Variants in AGPAT4 observed in about 807,000 individuals in gnomAD.
The protein encoded by AGPAT4 is 1-acylglycerol-3-phosphate O-acyltransferase 4, also known as 1-acyl-sn-glycerol-3-phosphate acyltransferase delta.
A neutral mutation model predicts 48.0 loss-of-function variants in AGPAT4; 15 were observed. The observed-to-expected ratio is 0.31, with a 90% CI of 0.21 to 0.48. The LOEUF is 0.48. AGPAT4 is among the 20% of genes least tolerant of loss of function. AGPAT4 has a pLI of 0.99. For missense variants in AGPAT4, 314 were observed against 482.5 expected, an observed-to-expected ratio of 0.65 and a Z score of 3.27; for synonymous variants, 178 against 198.7, an observed-to-expected ratio of 0.90 and a Z score of 0.88.
chr6:161,228,080 C>G (rs1443832798), intron 2 of AGPAT4, among the ~76,000 whole-genome samples: 1 of 152,202 alleles, frequency 6.6e-6, no homozygotes, highest in Non-Finnish European at 1.5e-5. Context: ...CCCCCTGACT[C>G]TTCCTCCTCC....
chr6:161,273,475 G>A (rs1022210016), intron 1 of AGPAT4, among the ~76,000 whole-genome samples: 1 of 152,200 alleles, frequency 6.6e-6, no homozygotes, highest in Admixed American at 6.5e-5. Flanking sequence ...TGCATATTGT[G>A]TAGTATTTTT....
intron 2 of AGPAT4, among the ~76,000 whole-genome samples, chr6:161,188,435 C>G (rs937252034): frequency 6.6e-6 from 1 of 152,184 alleles, no homozygotes; most frequent in East Asian, 1.9e-4. Context: ...TCACTTGTTT[C>G]AAGTGAAACT....
intron 2 of AGPAT4, among the ~76,000 whole-genome samples, chr6:161,211,611 G>A (rs1781524570): frequency 6.6e-6 from 1 of 152,060 alleles, no homozygotes; most frequent in Non-Finnish European, 1.5e-5. Flanking sequence ...GTCTGTGTAA[G>A]TCATAAAAAG....
In AGPAT4 at chr6:161,202,138, T is replaced by C. The variant is rs1354399812; in HGVS notation, c.178+29898A>G. Among the ~76,000 whole-genome samples, 3 of 152,160 alleles carry C rather than the reference T, an allele frequency of 2.0e-5. No individual in the cohort carries two copies. Among genetic ancestry groups the C allele is most frequent in the African/African-American group, 4.8e-5 (2 of 41,440 alleles). On this transcript the variant is annotated intron_variant, in intron 2 of 8. Transcript: ENST00000320285. This position sits in a 1 kb window ranked among gnomAD's most constrained non-coding sequence, Gnocchi z 5.4. ...TTATCTATTGCTCATAACCAAAATA[T>C]GATGGCCCAAAATAACAAAAACACT...
At position 161,232,874 on chromosome 6, in the gene AGPAT4, G is replaced by A. The variant is rs568294925; in HGVS notation, c.-89-572C>T. Among the ~76,000 whole-genome samples the A allele has an allele frequency of 6.6e-6, 1 of 152,126 alleles. No homozygotes were observed. Among genetic ancestry groups the A allele is most frequent in the Non-Finnish European group, 1.5e-5 (1 of 68,028 alleles). On this transcript the variant is annotated intron_variant, in intron 1 of 8. Transcript: ENST00000320285. This position sits in a 1 kb window ranked among gnomAD's most constrained non-coding sequence, Gnocchi z 6.8. ...AGTGGGTGCCACCCCTCAAGCAACC[G>A]GGACTAGGGAAGCATTTACTTGAAA... is the stretch of plus-strand genomic sequence containing the variant.
chr6:161,187,596 T>C (rs1014132434), intron 2 of AGPAT4, among the ~76,000 whole-genome samples: 4 of 151,940 alleles, frequency 2.6e-5, no homozygotes, highest in Non-Finnish European at 5.9e-5. Flanking sequence ...CTGGATGGAG[T>C]GCAGTGGCAC....
rs952135604 is a variant in AGPAT4, at chr6:161,135,077, C to T, written c.*1463G>A. The T allele has an allele frequency of 8.0e-5, 11 of 137,590 alleles. No individual in the cohort carries two copies. The highest frequency in any genetic ancestry group is 3.2e-4 in the African/African-American group (11 of 34,766). 8.5% of individuals were successfully genotyped at this position (137,590 alleles called of 1,614,324 possible). On this transcript the variant is annotated 3_prime_UTR_variant, in exon 9 of 9. Transcript: ENST00000320285. ...AGCTGTCTTGTAACTCCTTGGCTTA[C>T]CTAGTTTGGTTGATAAACAATGACT...
chr6:161,181,140 G>A (rs1249495092), intron 2 of AGPAT4, among the ~76,000 whole-genome samples: 1 of 152,164 alleles, frequency 6.6e-6, no homozygotes, highest in Non-Finnish European at 1.5e-5. Context: ...ACAGAAAGGT[G>A]CCTCCCAGCT....
intron 2 of AGPAT4, among the ~76,000 whole-genome samples, chr6:161,172,747 A>G (rs1214782119): frequency 1.3e-5 from 2 of 152,032 alleles, no homozygotes; most frequent in South Asian, 2.1e-4. Flanking sequence ...GCACCCATCA[A>G]CTAGTCATTT....
intron 2 of AGPAT4, among the ~76,000 whole-genome samples, chr6:161,191,517 T>C (rs1423048673): frequency 2.0e-5 from 3 of 152,144 alleles, no homozygotes; most frequent in Non-Finnish European, 4.4e-5. Flanking sequence ...ACCAAGTATC[T>C]TAGATACAAG....
At position 161,215,355 on chromosome 6, in the gene AGPAT4, T is replaced by A. The variant is rs1448231534; in HGVS notation, c.178+16681A>T. ...GACATATTTGTGCTGAATCTCAAGG[T>A]TTTTGAGGCCATGGCTCATTCCTTC... is the stretch of plus-strand genomic sequence containing the variant. On this transcript the variant is annotated intron_variant, in intron 2 of 8. Coordinates refer to ENST00000320285, the MANE Select transcript of AGPAT4 (RefSeq NM_020133.3). The surrounding 1 kb of genome is among the most constrained non-coding windows in gnomAD (Gnocchi z 4.5). Among the ~76,000 whole-genome samples, 2 of 152,070 alleles carry A rather than the reference T, an allele frequency of 1.3e-5. No individual in the cohort carries two copies. The highest frequency in any genetic ancestry group is 4.8e-5 in the African/African-American group (2 of 41,400).
Position 161,225,990 on chromosome 6 carries a change from G to A in AGPAT4, c.178+6046C>T, listed in dbSNP as rs923779017. Among the ~76,000 whole-genome samples, 1 of 152,126 alleles carries A rather than the reference G, an allele frequency of 6.6e-6. No homozygotes were observed. Among genetic ancestry groups the A allele is most frequent in the African/African-American group, 2.4e-5 (1 of 41,430 alleles). On this transcript the variant is annotated intron_variant, in intron 2 of 8. Coordinates refer to ENST00000320285, the MANE Select transcript of AGPAT4 (RefSeq NM_020133.3). The surrounding 1 kb of genome is among the most constrained non-coding windows in gnomAD (Gnocchi z 5.0). The stretch of plus-strand genomic sequence containing the variant: ...CACTGTTGTTCAGCTACTCTGAAGG[G>A]AGAGATGATCAGTTTTAGGATCATG...
At position 161,161,317 on chromosome 6, in the gene AGPAT4, G is replaced by T. The variant is rs566625548; in HGVS notation, c.348+4931C>A. The T allele has an allele frequency of 7.0e-5, 32 of 456,712 alleles. No homozygotes were observed. The East Asian group carries it at 1.3e-3, about 19-fold the overall frequency. 28.3% of individuals were successfully genotyped at this position (456,712 alleles called of 1,614,324 possible). A position where few individuals can be genotyped will look rare whatever the true frequency, so the allele number is the denominator to read the frequency against. ...GAACCCGCGGTGCAGCCATAGTCCC[G>T]TGAGCTGCCCACTTCCTGCCCTGGC... On this transcript the variant is annotated intron_variant, in intron 3 of 8. Transcript: ENST00000320285. The surrounding 1 kb of genome is among the most constrained non-coding windows in gnomAD (Gnocchi z 4.6).
chr6:161,233,663 G>T lies in AGPAT4; in HGVS notation c.-89-1361C>A, dbSNP rs137984892. ...CACTTTGTTATAAAATAGGCCTTGT[G>T]TAAGATGATTTGGCCTAACTGTAGG... is the stretch of plus-strand genomic sequence containing the variant. On this transcript the variant is annotated intron_variant, in intron 1 of 8. Transcript: ENST00000320285. This position sits in a 1 kb window ranked among gnomAD's most constrained non-coding sequence, Gnocchi z 5.4. Among the ~76,000 whole-genome samples the T allele has an allele frequency of 2.1e-3, 316 of 152,328 alleles. 4 individuals carry two copies. The highest frequency in any genetic ancestry group is 0.019 in the Admixed American group (293 of 15,304).
Position 161,229,228 on chromosome 6 carries a change from T to C in AGPAT4, c.178+2808A>G, listed in dbSNP as rs1782061081. ...AGGGCTCCGTGTCTCAAGGAAACAT[T>C]TTTTTCTGCCGTTTCCTTAGAAAAT... On this transcript the variant is annotated intron_variant, in intron 2 of 8. Transcript: ENST00000320285. The surrounding 1 kb of genome is among the most constrained non-coding windows in gnomAD (Gnocchi z 6.0). Among the ~76,000 whole-genome samples, 1 of 152,018 alleles carries C rather than the reference T, an allele frequency of 6.6e-6. No homozygotes were observed. The highest frequency in any genetic ancestry group is 2.1e-4 in the South Asian group (1 of 4,796).
chr6:161,167,416 C>T (rs776350202), intron 2 of AGPAT4, among the ~76,000 whole-genome samples: 12 of 152,070 alleles, frequency 7.9e-5, no homozygotes, highest in Non-Finnish European at 1.2e-4. Context: ...TTTGTAAAGA[C>T]GCAGTTTTGC....
At position 161,146,515 on chromosome 6, in the gene AGPAT4, T is replaced by C; in HGVS notation, c.843+9A>G. 1 of 1,613,582 alleles carries C rather than the reference T, an allele frequency of 6.2e-7. No homozygotes were observed. Among genetic ancestry groups the C allele is most frequent in the East Asian group, 2.2e-5 (1 of 44,846 alleles). On this transcript the variant is annotated intron_variant, in intron 7 of 8. Coordinates refer to ENST00000320285, the MANE Select transcript of AGPAT4 (RefSeq NM_020133.3). The surrounding 1 kb of genome is among the most constrained non-coding windows in gnomAD (Gnocchi z 7.1). ...ACGTGAAGGGACCCCTGGCACCCAG[T>C]GCACTGACCTTCTCCTGGTAGAGCT... is the stretch of plus-strand genomic sequence containing the variant.
intron 2 of AGPAT4, among the ~76,000 whole-genome samples, chr6:161,176,351 T>C (rs980235506): frequency 6.6e-6 from 1 of 152,256 alleles, no homozygotes; most frequent in African/African-American, 2.4e-5. Context: ...TTAGGGTAGA[T>C]AGCTCTTCTT....
rs1404491739 is a variant in AGPAT4, at chr6:161,195,222, AAACC to A, written c.179-28809_179-28806del. ...TGAAGCAAATTTCTCATTTAACCGA[AAACC>A]AAGATGAAGGATAATTCAAGACAAG... On this transcript the variant is annotated intron_variant, in intron 2 of 8. Transcript: ENST00000320285. The surrounding 1 kb of genome is among the most constrained non-coding windows in gnomAD (Gnocchi z 5.0). Among the ~76,000 whole-genome samples the A allele has an allele frequency of 2.0e-4, 30 of 152,332 alleles. No individual in the cohort carries two copies. The highest frequency in any genetic ancestry group is 7.2e-4 in the African/African-American group (30 of 41,568).
Sources: gnomAD v4.1 joint callset for allele counts (sites outside exome capture counted in the v4.1 genomes callset) on GRCh38, gnomAD v4.1.1 for gene constraint, Gnocchi (gnomAD v3.1) non-coding constraint, MANE v1.5 for transcripts, NCBI Gene and HGNC (gene_info 2026-07-23, HGNC 2026-07-21) for gene names.